The following RBFOX1 variants were observed in gnomAD, a reference collection of about 807,000 sequenced individuals.
The protein encoded by RBFOX1 is RNA binding protein fox-1 homolog 1.
A neutral mutation model predicts 57.7 loss-of-function variants in RBFOX1; 8 were observed. The ratio of observed to expected loss-of-function variants is 0.14; its 90% CI spans 0.08 to 0.25. The LOEUF (loss-of-function observed/expected upper bound fraction) is 0.25. Ranked by LOEUF, RBFOX1 falls within the 10% of genes least tolerant of loss-of-function variation. The pLI is 1.00. For missense variants in RBFOX1, 611 were observed against 548.5 expected, an observed-to-expected ratio of 1.11 and a Z score of -1.14; for synonymous variants, 326 against 222.4, an observed-to-expected ratio of 1.47 and a Z score of -4.15.
chr16:7,440,443 C>G (rs1459126779), intron 4 of RBFOX1, among the ~76,000 whole-genome samples: 1 of 152,190 alleles, frequency 6.6e-6, no homozygotes, highest in East Asian at 1.9e-4. Flanking sequence ...CTTTGTATGT[C>G]CACAACCCCA....
chr16:7,357,667 T>A (rs1485036060), intron 4 of RBFOX1, among the ~76,000 whole-genome samples: 1 of 152,184 alleles, frequency 6.6e-6, no homozygotes, highest in African/African-American at 2.4e-5. Flanking sequence ...CGCAGGACTT[T>A]TATTCAGTCT....
intron 3 of RBFOX1, among the ~76,000 whole-genome samples, chr16:5,645,653 A>G (rs2049028708): frequency 6.6e-6 from 1 of 152,144 alleles, no homozygotes; most frequent in South Asian, 2.1e-4. Context: ...TGTGTGCTTT[A>G]TTATGTATTT....
intron 2 of RBFOX1, among the ~76,000 whole-genome samples, chr16:5,479,894 G>T (rs2069465567): frequency 6.6e-6 from 1 of 152,174 alleles, no homozygotes; most frequent in African/African-American, 2.4e-5. Context: ...TTGCTCAGAT[G>T]CAGTGGCACA....
intron 4 of RBFOX1, among the ~76,000 whole-genome samples, chr16:7,220,936 T>C (rs1320339252): frequency 6.6e-6 from 1 of 152,102 alleles, no homozygotes; most frequent in African/African-American, 2.4e-5. Flanking sequence ...TCTAAATGCA[T>C]TTGCATTTCA....
intron 4 of RBFOX1, among the ~76,000 whole-genome samples, chr16:5,916,817 G>C (rs555545597): frequency 8.5e-5 from 13 of 152,282 alleles, no homozygotes; most frequent in African/African-American, 3.1e-4. Context: ...TGAGCTGGGA[G>C]AGAGTCGGAA....
chr16:5,547,076 C>G (rs568382046), intron 2 of RBFOX1, among the ~76,000 whole-genome samples: 3 of 152,242 alleles, frequency 2.0e-5, no homozygotes, highest in Non-Finnish European at 2.9e-5. Context: ...TCTAGGATGA[C>G]TGAAAGTAGA....
chr16:6,336,152 TAC>T (rs1161365667), intron 2 of RBFOX1, among the ~76,000 whole-genome samples: 4 of 53,920 alleles, frequency 7.4e-5, no homozygotes, highest in East Asian at 8.4e-4. Flanking sequence ...TATATACATA[TAC>T]ATATATATAT....
chr16:6,054,162 G>C (rs893448334), intron 1 of RBFOX1, among the ~76,000 whole-genome samples: 1 of 152,144 alleles, frequency 6.6e-6, no homozygotes, highest in Non-Finnish European at 1.5e-5. Flanking sequence ...TAAAGTTATA[G>C]TATCTTTCCT....
Position 6,503,601 on chromosome 16 carries a change from C to T in RBFOX1, c.-63-151002C>T, listed in dbSNP as rs554993397. On this transcript the variant is annotated intron_variant, in intron 2 of 15. Coordinates refer to ENST00000550418, the MANE Select transcript of RBFOX1 (RefSeq NM_018723.4). Reference sequence around the variant, plus strand: ...TCAGTTTTCTTATTTGTGGCCTTTTCGGCAGGCTTGCTTAGGCTTGGTCAG... The same window carrying T: ...TCAGTTTTCTTATTTGTGGCCTTTTTGGCAGGCTTGCTTAGGCTTGGTCAG... Among the ~76,000 whole-genome samples, 9 of 152,222 alleles carry T rather than the reference C, an allele frequency of 5.9e-5. No homozygotes were observed. In the East Asian group the frequency reaches 9.7e-4, roughly 16 times the overall value.
chr16:6,841,133 T>A (rs2093438584), intron 3 of RBFOX1, among the ~76,000 whole-genome samples: 1 of 152,150 alleles, frequency 6.6e-6, no homozygotes, highest in South Asian at 2.1e-4. Flanking sequence ...AAGTTCCTTG[T>A]ACACTCTGGA....
At chr16:6,554,782 A>G (rs1038736257) in intron 2 of RBFOX1, among the ~76,000 whole-genome samples, 1 of 146,306 alleles carries the variant, frequency 6.8e-6, no homozygotes, top group Non-Finnish European at 1.5e-5. Flanking sequence ...AGGTACACAG[A>G]CACACACACA....
At position 5,266,062 on chromosome 16, in the gene RBFOX1, T is replaced by C. The variant is rs534519454; in HGVS notation, c.219+25957T>C. 7.2e-5 allele frequency among the ~76,000 whole-genome samples: 11 copies of C among 151,808 alleles called. No individual in the cohort carries two copies. In the East Asian group the frequency reaches 2.1e-3, roughly 29 times the overall value. On this transcript the variant is annotated intron_variant, in intron 1 of 2. Coordinates refer to the RBFOX1 transcript ENST00000585867. ...GGCTGATTAAAAAAAAAACTCTGGA[T>C]TTTCTTTGTTTTGGACTCTACCTGC...
intron 3 of RBFOX1, among the ~76,000 whole-genome samples, chr16:6,895,432 G>GTA (rs2066544856): frequency 1.5e-5 from 1 of 68,268 alleles, no homozygotes; most frequent in Non-Finnish European, 3.4e-5. Context: ...GTGTGTGTGT[G>GTA]TGTGTGTGTG....
At chr16:6,956,607 T>A (rs1022918419) in intron 3 of RBFOX1, among the ~76,000 whole-genome samples, 2 of 152,176 alleles carry the variant, frequency 1.3e-5, no homozygotes, top group Admixed American at 1.3e-4. Flanking sequence ...AGTGAGTGGT[T>A]CAAATCCACA....
intron 3 of RBFOX1, among the ~76,000 whole-genome samples, chr16:6,890,394 C>A (rs1022250288): frequency 1.3e-5 from 2 of 152,308 alleles, no homozygotes; most frequent in African/African-American, 2.4e-5. Flanking sequence ...TGGTGGGCAC[C>A]TGTAGTCCCA....
intron 3 of RBFOX1, among the ~76,000 whole-genome samples, chr16:6,906,736 T>C (rs1475539733): frequency 6.6e-6 from 1 of 151,690 alleles, no homozygotes; most frequent in East Asian, 1.9e-4. Context: ...TTTTTTTTTT[T>C]TTTTGAGACA....
chr16:7,566,986 C>G (rs1359956827), intron 5 of RBFOX1, among the ~76,000 whole-genome samples: 1 of 151,710 alleles, frequency 6.6e-6, no homozygotes, highest in East Asian at 1.9e-4. Context: ...AAGGGAAATA[C>G]CACCCAAAAA....
chr16:6,657,148 C>CTCTCCTCTTT (rs1442113835), intron 3 of RBFOX1, among the ~76,000 whole-genome samples: 2 of 149,184 alleles, frequency 1.3e-5, no homozygotes, highest in Admixed American at 1.3e-4. Flanking sequence ...CTCTCCTCTT[C>CTCTCCTCTTT]TCTCCTCTTT....
At chr16:6,536,921 T>C (rs2096743065) in intron 2 of RBFOX1, among the ~76,000 whole-genome samples, 1 of 152,216 alleles carries the variant, frequency 6.6e-6, no homozygotes, top group African/African-American at 2.4e-5. Flanking sequence ...CTAAATTATG[T>C]GTATACAAAG....
Sources: gnomAD v4.1 joint callset for allele counts (sites outside exome capture counted in the v4.1 genomes callset) on GRCh38, gnomAD v4.1.1 for gene constraint, MANE v1.5 for transcripts, NCBI Gene and HGNC (gene_info 2026-07-23, HGNC 2026-07-21) for gene names.